The following AMBRA1 variants were observed in gnomAD, a reference collection of about 807,000 sequenced individuals.
AMBRA1 encodes the protein activating molecule in BECN1-regulated autophagy protein 1.
AMBRA1 carries 47 observed loss-of-function variants against 125.4 expected under a neutral mutation model. The ratio of observed to expected loss-of-function variants is 0.37; its 90% CI spans 0.30 to 0.48. AMBRA1 has a LOEUF of 0.48. Among genes scored for constraint, AMBRA1 ranks in the 20% least tolerant of loss-of-function variants. The probability of loss-of-function intolerance (pLI) is 0.99; values close to 1 mark genes in which losing one functional copy is unlikely to be tolerated. For synonymous variants in AMBRA1, 626 were observed against 655.5 expected (o/e 0.95, Z 0.69); for missense variants, 1,331 against 1,693.4 (o/e 0.79, Z 3.76).
intron 8 of AMBRA1, among the ~76,000 whole-genome samples, chr11:46,509,757 A>G (rs1951189252): frequency 6.6e-6 from 1 of 152,194 alleles, no homozygotes; most frequent in Non-Finnish European, 1.5e-5. Flanking sequence ...AAAAACTATA[A>G]GGGAACAACA....
chr11:46,586,091 A>G (rs1369592323), intron 1 of AMBRA1, among the ~76,000 whole-genome samples: 1 of 152,142 alleles, frequency 6.6e-6, no homozygotes, highest in East Asian at 1.9e-4. Flanking sequence ...GGCATTAGCC[A>G]CTGCACCCAG....
chr11:46,488,467 A>AC (rs1950340147), intron 11 of AMBRA1, among the ~76,000 whole-genome samples: 1 of 152,118 alleles, frequency 6.6e-6, no homozygotes, highest in East Asian at 1.9e-4. Context: ...AAAACAAAAA[A>AC]AAAAACTGAC....
chr11:46,398,200 G>T (rs1945549584), intron 17 of AMBRA1, among the ~76,000 whole-genome samples: 1 of 152,270 alleles, frequency 6.6e-6, no homozygotes, highest in Non-Finnish European at 1.5e-5. Context: ...CACTGGCCCA[G>T]AAGGCAGCAG....
chr11:46,459,107 C>T (rs1297104484), intron 11 of AMBRA1, among the ~76,000 whole-genome samples: 1 of 152,152 alleles, frequency 6.6e-6, no homozygotes, highest in African/African-American at 2.4e-5. Context: ...TGGAACACCA[C>T]GCAGCCACTA....
At chr11:46,432,101 C>T (rs1406052040) in intron 14 of AMBRA1, among the ~76,000 whole-genome samples, 5 of 152,020 alleles carry the variant, frequency 3.3e-5, no homozygotes, top group African/African-American at 9.7e-5. Flanking sequence ...TGTCAGGTTC[C>T]GCATGAAGTT....
chr11:46,458,550 A>C (rs1350322938), intron 11 of AMBRA1, among the ~76,000 whole-genome samples: 1 of 152,176 alleles, frequency 6.6e-6, no homozygotes, highest in East Asian at 1.9e-4. Context: ...TGAGATGGTG[A>C]ACTCCTTGAG....
intron 4 of AMBRA1, among the ~76,000 whole-genome samples, chr11:46,546,662 T>C (rs1178720426): frequency 6.6e-6 from 1 of 151,250 alleles, no homozygotes; most frequent in East Asian, 1.9e-4. Context: ...GGAATTAGAC[T>C]TCCTATTAAT....
At chr11:46,569,644 T>A (rs2043684309) in intron 1 of AMBRA1, among the ~76,000 whole-genome samples, 1 of 151,936 alleles carries the variant, frequency 6.6e-6, no homozygotes, top group South Asian at 2.1e-4. Flanking sequence ...CTGAGCATAG[T>A]GGCTCATGGA....
At position 46,578,311 on chromosome 11, in the gene AMBRA1, AC is replaced by A. The variant is rs556885445; in HGVS notation, c.-121+15516del. ...AGACCAGCTGGGTCAACATGGAGAAACCCTGTCTCCACTAAAAATACAAAAA... is the reference window on the plus strand; with the variant it reads ...AGACCAGCTGGGTCAACATGGAGAAACCTGTCTCCACTAAAAATACAAAAA... On this transcript the variant is annotated intron_variant, in intron 1 of 17. Coordinates refer to ENST00000683756, the MANE Select transcript of AMBRA1 (RefSeq NM_001387011.1). Among the ~76,000 whole-genome samples the A allele has an allele frequency of 1.6e-3, 248 of 151,650 alleles. 3 individuals are homozygous for A. Among genetic ancestry groups the A allele is most frequent in the Non-Finnish European group, 2.4e-3 (166 of 67,906 alleles).
intron 1 of AMBRA1, among the ~76,000 whole-genome samples, chr11:46,560,779 T>C (rs1025664190): frequency 6.6e-6 from 1 of 152,084 alleles, no homozygotes; most frequent in Admixed American, 6.6e-5. Flanking sequence ...TGTACAGAAA[T>C]GGCAAAAGAT....
At chr11:46,435,643 A>G (rs1419571464) in intron 12 of AMBRA1, among the ~76,000 whole-genome samples, 1 of 152,264 alleles carries the variant, frequency 6.6e-6, no homozygotes, top group East Asian at 1.9e-4. Flanking sequence ...AACAAAGCCC[A>G]GCTGCGGCTG....
chr11:46,561,196 C>G (rs2043325734), intron 1 of AMBRA1, among the ~76,000 whole-genome samples: 1 of 152,038 alleles, frequency 6.6e-6, no homozygotes, highest in South Asian at 2.1e-4. Flanking sequence ...GCCTGGCCAA[C>G]ACGGTGAAAC....
intron 17 of AMBRA1, among the ~76,000 whole-genome samples, chr11:46,403,296 T>C (rs1484874878): frequency 6.6e-6 from 1 of 152,118 alleles, no homozygotes; most frequent in African/African-American, 2.4e-5. Context: ...GGAGTACTGG[T>C]CTTCCAGCCC....
At chr11:46,493,036 G>A (rs1950520030) in intron 11 of AMBRA1, among the ~76,000 whole-genome samples, 3 of 152,320 alleles carry the variant, frequency 2.0e-5, no homozygotes, top group South Asian at 4.1e-4. Flanking sequence ...GTGACAGGGC[G>A]AGACTCTGTC....
At position 46,397,631 on chromosome 11, in the gene AMBRA1, G is replaced by A. The variant is rs775703311; in HGVS notation, c.3716C>T (p.Pro1239Leu). The change falls in exon 18 of 18, where the codon CCT becomes CTT. Residue 1239 changes from proline to leucine, a missense_variant. Around this residue, in one of 4 missense-constraint regions of AMBRA1, gnomAD observed 144 missense variants for 133.9 expected, o/e 1.08. Transcript: ENST00000683756. ...RTASWDQPGT[P>L]GREPTQPTLP... ...GGTTGGCTGGGTTGGCTCCCGCCCA[G>A]GGGTACCAGGCTGGTCCCAGGAAGC... 11 of 1,612,056 alleles carry A rather than the reference G, an allele frequency of 6.8e-6. No individual in the cohort carries two copies. The highest frequency in any genetic ancestry group is 9.3e-6 in the Non-Finnish European group (11 of 1,178,722).
intron 11 of AMBRA1, among the ~76,000 whole-genome samples, chr11:46,474,711 A>C (rs1949743562): frequency 6.6e-6 from 1 of 152,198 alleles, no homozygotes; most frequent in African/African-American, 2.4e-5. Context: ...TTAAGCATCT[A>C]TACTATACTG....
intron 9 of AMBRA1, among the ~76,000 whole-genome samples, chr11:46,505,191 C>T (rs941460839): frequency 6.6e-6 from 1 of 152,226 alleles, no homozygotes; most frequent in African/African-American, 2.4e-5. Flanking sequence ...CGTGACTGCA[C>T]ATGCCTCTGA....
intron 15 of AMBRA1, among the ~76,000 whole-genome samples, chr11:46,411,119 A>G (rs1371689798): frequency 2.6e-5 from 4 of 151,346 alleles, no homozygotes; most frequent in Non-Finnish European, 5.9e-5. Flanking sequence ...AAAAAAGAAA[A>G]AAAAAAAAAA....
At chr11:46,533,978 G>A (rs1010262646) in intron 7 of AMBRA1, among the ~76,000 whole-genome samples, 1 of 151,096 alleles carries the variant, frequency 6.6e-6, no homozygotes, top group Non-Finnish European at 1.5e-5. Flanking sequence ...CCCTAGTGTC[G>A]ACGGGGTTTG....
Sources: gnomAD v4.1 joint callset for allele counts (sites outside exome capture counted in the v4.1 genomes callset) on GRCh38, gnomAD v4.1.1 for gene constraint, gnomAD v4.1.1 regional missense constraint, MANE v1.5 for transcripts, NCBI Gene and HGNC (gene_info 2026-07-23, HGNC 2026-07-21) for gene names.